Variants in SLC31A1 observed in about 807,000 individuals in gnomAD.
The protein encoded by SLC31A1 is solute carrier family 31 member 1, also known as high affinity copper uptake protein 1.
In SLC31A1, 5 loss-of-function variants were observed where a neutral mutation model predicts 17.2. The observed-to-expected ratio is 0.29, with a 90% CI of 0.15 to 0.61. SLC31A1 has a LOEUF of 0.61. Ranked by LOEUF, SLC31A1 falls within the 20% of genes least tolerant of loss-of-function variation. SLC31A1 has a pLI of 0.86. For synonymous variants in SLC31A1, 76 were observed against 78.8 expected, an observed-to-expected ratio of 0.96 and a Z score of 0.19; for missense variants, 161 against 241.4, an observed-to-expected ratio of 0.67 and a Z score of 2.21.
intron 1 of SLC31A1, among the ~76,000 whole-genome samples, chr9:113,229,963 A>C (rs1252411396): frequency 6.6e-6 from 1 of 152,216 alleles, no homozygotes; most frequent in Non-Finnish European, 1.5e-5. Context: ...CAAGGTGAAT[A>C]TTATAAACTC....
chr9:113,247,470 C>T (rs1296773299), intron 1 of SLC31A1, among the ~76,000 whole-genome samples: 1 of 152,078 alleles, frequency 6.6e-6, no homozygotes, highest in Non-Finnish European at 1.5e-5. Context: ...TCTTATTGTA[C>T]CATAGAAATA....
intron 1 of SLC31A1, among the ~76,000 whole-genome samples, chr9:113,233,795 C>G (rs1337517331): frequency 1.3e-5 from 2 of 152,166 alleles, no homozygotes; most frequent in Non-Finnish European, 2.9e-5. Flanking sequence ...TTCTTTATTA[C>G]TGATACATAA....
intron 1 of SLC31A1, among the ~76,000 whole-genome samples, chr9:113,230,643 T>G (rs1831392217): frequency 6.6e-6 from 1 of 152,246 alleles, no homozygotes; most frequent in African/African-American, 2.4e-5. Flanking sequence ...AATTGCATAA[T>G]GATCAAACGA....
chr9:113,225,952 G>A (rs1831335564), intron 1 of SLC31A1, among the ~76,000 whole-genome samples: 1 of 152,112 alleles, frequency 6.6e-6, no homozygotes. Context: ...TGGCCAACAT[G>A]GTGAAACCCC....
chr9:113,251,223 C>T (rs1322252607), intron 1 of SLC31A1, among the ~76,000 whole-genome samples: 1 of 152,084 alleles, frequency 6.6e-6, no homozygotes, highest in East Asian at 1.9e-4. Flanking sequence ...AGGAGTTCAA[C>T]ACCAGCCTTG....
At chr9:113,237,710 CTTG>C (rs2118993201) in intron 1 of SLC31A1, among the ~76,000 whole-genome samples, 1 of 152,258 alleles carries the variant, frequency 6.6e-6, no homozygotes, top group African/African-American at 2.4e-5. Flanking sequence ...AATAACTATT[CTTG>C]TTTAATCTAG....
At chr9:113,253,284 G>T (rs1461363752) in intron 1 of SLC31A1, among the ~76,000 whole-genome samples, 1 of 151,950 alleles carries the variant, frequency 6.6e-6, no homozygotes, top group Non-Finnish European at 1.5e-5. Flanking sequence ...GCATTTGTTT[G>T]GTTCAATATC....
intron 1 of SLC31A1, among the ~76,000 whole-genome samples, chr9:113,252,655 A>T (rs902517276): frequency 6.6e-6 from 1 of 152,180 alleles, no homozygotes; most frequent in African/African-American, 2.4e-5. Context: ...ATGACTGTTC[A>T]GTTTCCCTTT....
chr9:113,236,642 A>C (rs538281831), intron 1 of SLC31A1, among the ~76,000 whole-genome samples: 1 of 152,094 alleles, frequency 6.6e-6, no homozygotes, highest in Non-Finnish European at 1.5e-5. Flanking sequence ...GATTACAGGC[A>C]TGAGCCACCA....
rs149205358 is a variant in SLC31A1, at chr9:113,232,824, ACG to A, written c.-36+11147_-36+11148del. On this transcript the variant is annotated intron_variant, in intron 1 of 4. Transcript: ENST00000374212. Reference sequence around the variant, plus strand: ...GCACCACTGCACTCCAGCCTGGGTGACGAGAGTGAAACTCTGTCTCAAAAAAA... The same window carrying A: ...GCACCACTGCACTCCAGCCTGGGTGAAGAGTGAAACTCTGTCTCAAAAAAA... Among the ~76,000 whole-genome samples, 1,037 of 152,172 alleles carry A rather than the reference ACG, an allele frequency of 6.8e-3. 82 individuals carry two copies. In the East Asian group the frequency reaches 0.18, roughly 26 times the overall value.
chr9:113,262,296 C>G lies in SLC31A1; in HGVS notation c.*1823C>G, dbSNP rs1400084726. The G allele has an allele frequency of 6.5e-6, 1 of 152,676 alleles. No individual in the cohort carries two copies. The highest frequency in any genetic ancestry group is 1.5e-5 in the Non-Finnish European group (1 of 68,060). 9.5% of individuals were successfully genotyped at this position (152,676 alleles called of 1,614,324 possible). ...ATTACAAGTGGCCAAAACCCCTGTT[C>G]TCAGTGAAGAACCACATTGGATTTG... On this transcript the variant is annotated 3_prime_UTR_variant, in exon 5 of 5. Coordinates refer to ENST00000374212, the MANE Select transcript of SLC31A1 (RefSeq NM_001859.4).
chr9:113,255,363 T>A (rs1831708510), intron 1 of SLC31A1, among the ~76,000 whole-genome samples: 1 of 152,244 alleles, frequency 6.6e-6, no homozygotes, highest in Non-Finnish European at 1.5e-5. Flanking sequence ...CCAAAGAAGC[T>A]GCTTTCCTTC....
intron 1 of SLC31A1, among the ~76,000 whole-genome samples, chr9:113,236,270 G>A (rs924234673): frequency 6.6e-6 from 1 of 152,162 alleles, no homozygotes; most frequent in African/African-American, 2.4e-5. Context: ...TTACAGGTGT[G>A]AGCCACTGCG....
At chr9:113,241,986 G>A (rs1302966424) in intron 1 of SLC31A1, among the ~76,000 whole-genome samples, 2 of 152,138 alleles carry the variant, frequency 1.3e-5, no homozygotes, top group Admixed American at 6.5e-5. Flanking sequence ...TCAGGAGATC[G>A]AGACCATCCT....
intron 1 of SLC31A1, among the ~76,000 whole-genome samples, chr9:113,223,693 C>T (rs1431216261): frequency 6.6e-6 from 1 of 152,144 alleles, no homozygotes; most frequent in African/African-American, 2.4e-5. Flanking sequence ...CCCTTACTCC[C>T]TCAGGGAAGC....
chr9:113,231,073 A>G (rs993937572), intron 1 of SLC31A1, among the ~76,000 whole-genome samples: 8 of 152,040 alleles, frequency 5.3e-5, no homozygotes, highest in African/African-American at 1.9e-4. Context: ...CTCCCCTCTC[A>G]AGTGCCATAT....
intron 1 of SLC31A1, among the ~76,000 whole-genome samples, chr9:113,253,659 A>G (rs117711326): frequency 0.059 from 8,952 of 150,780 alleles, 308 homozygotes; most frequent in African/African-American, 0.081. Context: ...GGTTTGAGCA[A>G]TTCTCTGCCT....
chr9:113,224,471 C>T lies in SLC31A1; in HGVS notation c.-36+2793C>T, dbSNP rs1049372703. The stretch of plus-strand genomic sequence containing the variant: ...GAGACAGAGTTTCGCTCTTGTTGCC[C>T]AGGCTTGAATGCAATGGCACAATCT... On this transcript the variant is annotated intron_variant, in intron 1 of 4. Coordinates refer to ENST00000374212, the MANE Select transcript of SLC31A1 (RefSeq NM_001859.4). 5.9e-5 allele frequency among the ~76,000 whole-genome samples: 9 copies of T among 151,534 alleles called. No individual in the cohort carries two copies. The East Asian group carries it at 1.4e-3, about 23-fold the overall frequency.
rs1448660819 is a variant in SLC31A1 at position 113,262,996 on chromosome 9, T to TA, written c.*2529dup. 1 of 152,184 alleles carries TA rather than the reference T, an allele frequency of 6.6e-6. No individual in the cohort carries two copies. 9.4% of individuals were successfully genotyped at this position (152,184 alleles called of 1,614,324 possible). On this transcript the variant is annotated 3_prime_UTR_variant, in exon 5 of 5. Coordinates refer to ENST00000374212, the MANE Select transcript of SLC31A1 (RefSeq NM_001859.4). ...ACAACATAGTGAGATCCTATCTCTA[T>TA]AAAAAATCAAAAATTAGCCAGGCAT...
Sources: gnomAD v4.1 joint callset for allele counts (sites outside exome capture counted in the v4.1 genomes callset) on GRCh38, gnomAD v4.1.1 for gene constraint, MANE v1.5 for transcripts, NCBI Gene and HGNC (gene_info 2026-07-23, HGNC 2026-07-21) for gene names.